The following PCM1 variants were observed in gnomAD, a reference collection of about 807,000 sequenced individuals.
PCM1 encodes the protein pericentriolar material 1 protein.
A neutral mutation model predicts 241.9 loss-of-function variants in PCM1; 157 were observed. The ratio of observed to expected loss-of-function variants is 0.65; its 90% CI spans 0.57 to 0.74. PCM1 has a LOEUF of 0.74. Ranked by LOEUF, PCM1 falls within the 30% of genes least tolerant of loss-of-function variation. The pLI, the probability that PCM1 is intolerant of heterozygous loss-of-function variation, is 0.00. For synonymous variants in PCM1, 1,085 were observed against 784.9 expected (o/e 1.38, Z -6.39); for missense variants, 3,478 against 2,360.1 (o/e 1.47, Z -9.81).
At chr8:17,982,240 AT>A (rs1236478203) in intron 24 of PCM1, among the ~76,000 whole-genome samples, 12 of 152,280 alleles carry the variant, frequency 7.9e-5, no homozygotes, top group African/African-American at 2.9e-4. Flanking sequence ...AAATTTTATA[AT>A]TTTCATCTCC....
In PCM1 at chr8:17,955,581, A is replaced by C; in HGVS notation, c.1400A>C (p.Tyr467Ser). The change falls in exon 10 of 39, where the codon TAT becomes TCT. Residue 467 changes from tyrosine to serine, a missense_variant. Transcript: ENST00000325083. ...AATAGCCTCACATCATCTGTTCCTT[A>C]TCCTACTGCTTCTCTAGTATCTCAG... ...ESNSLTSSVP[Y>S]PTASLVSQNE... 1.9e-6 allele frequency: 3 copies of C among 1,613,770 alleles called. No individual in the cohort carries two copies. The highest frequency in any genetic ancestry group is 2.5e-6 in the Non-Finnish European group (3 of 1,179,700).
Position 17,957,399 on chromosome 8 carries a change from T to C in PCM1, c.1782T>C (p.Ala594=), listed in dbSNP as rs756099433. The change falls in exon 12 of 39, where the codon GCT becomes GCC. Residue 594 remains alanine (A), a synonymous_variant. Transcript: ENST00000325083. ...INNRSAANIR[A]LNMPPSLDCR... ...ACAGATCTGCTGCCAACATAAGGGC[T>C]CTAAACATGCCTCCTTCTTTAGGTA... is the stretch of plus-strand genomic sequence containing the variant. 3.7e-6 allele frequency: 6 copies of C among 1,612,606 alleles called. No homozygotes were observed. The South Asian group carries it at 5.5e-5, about 15-fold the overall frequency.
intron 2 of PCM1, among the ~76,000 whole-genome samples, chr8:17,930,965 G>T (rs2058831120): frequency 6.6e-6 from 1 of 151,934 alleles, no homozygotes; most frequent in African/African-American, 2.4e-5. Flanking sequence ...TACTAATGCT[G>T]TGCCTTTTAA....
chr8:17,954,973 A>G (rs938402955), intron 9 of PCM1, among the ~76,000 whole-genome samples: 2 of 152,048 alleles, frequency 1.3e-5, no homozygotes, highest in African/African-American at 2.4e-5. Context: ...TCCAGATGTG[A>G]CATCCCCCTG....
At chr8:17,929,634 T>C (rs2058328507) in intron 2 of PCM1, among the ~76,000 whole-genome samples, 1 of 152,170 alleles carries the variant, frequency 6.6e-6, no homozygotes, top group South Asian at 2.1e-4. Flanking sequence ...TCCTTTATCT[T>C]TTAACTCTAC....
At chr8:17,989,409 A>G (rs749722140) in intron 26 of PCM1, among the ~76,000 whole-genome samples, 13 of 152,036 alleles carry the variant, frequency 8.6e-5, no homozygotes, top group Non-Finnish European at 1.6e-4. Flanking sequence ...AAGTGAGTGC[A>G]TTGTATATTA....
chr8:17,979,613 C>T (rs2080001682), intron 23 of PCM1, among the ~76,000 whole-genome samples: 1 of 151,926 alleles, frequency 6.6e-6, no homozygotes, highest in Non-Finnish European at 1.5e-5. Context: ...CTATAAAAAG[C>T]TATAAAGTAT....
At chr8:17,986,977 A>G (rs931427432) in intron 26 of PCM1, among the ~76,000 whole-genome samples, 26 of 151,810 alleles carry the variant, frequency 1.7e-4, no homozygotes, top group Admixed American at 6.6e-5. Context: ...CTTTTCAGAT[A>G]CAGTAATTTC....
At chr8:17,930,350 G>C (rs1051706795) in intron 2 of PCM1, among the ~76,000 whole-genome samples, 22 of 151,628 alleles carry the variant, frequency 1.5e-4, no homozygotes, top group Non-Finnish European at 2.9e-4. Flanking sequence ...TGATCCGCCT[G>C]CCTTGGCCTC....
chr8:18,021,638 T>C (rs2093762918), intron 36 of PCM1, among the ~76,000 whole-genome samples: 1 of 152,210 alleles, frequency 6.6e-6, no homozygotes, highest in Non-Finnish European at 1.5e-5. Flanking sequence ...TCAAACTCGG[T>C]GGCACTACCA....
At chr8:17,954,598 C>T (rs1009732619) in intron 9 of PCM1, among the ~76,000 whole-genome samples, 4 of 152,056 alleles carry the variant, frequency 2.6e-5, no homozygotes, top group Non-Finnish European at 4.4e-5. Flanking sequence ...AAGGTAGACT[C>T]GTCAAGGAAT....
intron 1 of PCM1, among the ~76,000 whole-genome samples, chr8:17,923,464 C>T (rs972243456): frequency 5.3e-5 from 8 of 152,198 alleles, no homozygotes; most frequent in Admixed American, 3.9e-4. Flanking sequence ...CTCCTGCTGG[C>T]CCTGTCGGGG....
chr8:17,955,533 C>T lies in PCM1; in HGVS notation c.1352C>T (p.Ala451Val). 2 of 1,613,660 alleles carry T rather than the reference C, an allele frequency of 1.2e-6. No homozygotes were observed. The highest frequency in any genetic ancestry group is 8.5e-7 in the Non-Finnish European group (1 of 1,179,678). Reference sequence around the variant, plus strand: ...GCTCCCTCTGCTTCTGTAGGCTTGGCACCGGTTGTCAATGGAGAATCCAAT... The same window carrying T: ...GCTCCCTCTGCTTCTGTAGGCTTGGTACCGGTTGTCAATGGAGAATCCAAT... ...TSAPSASVGLAPVVNGESNSL... is the reference protein window; with the variant it reads ...TSAPSASVGLVPVVNGESNSL... Residue 451 changes from alanine to valine, a missense_variant, in exon 10 of 39, where the codon GCA (alanine) becomes GTA (valine). Transcript: ENST00000325083.
chr8:18,014,106 AAAAAACACACACAG>A, intron 35 of PCM1, 70 bp downstream of exon 35: 1 of 841,382 alleles, frequency 1.2e-6, no homozygotes, highest in Non-Finnish European at 1.9e-6. Flanking sequence ...AAAAAAAAAA[AAAAAACACACACAG>A]AAAACACTAA....
At chr8:17,931,579 A>G (rs1218981545) in intron 2 of PCM1, among the ~76,000 whole-genome samples, 3 of 152,166 alleles carry the variant, frequency 2.0e-5, no homozygotes, top group African/African-American at 4.8e-5. Flanking sequence ...TTACTTTACT[A>G]TTACTTCATT....
intron 6 of PCM1, among the ~76,000 whole-genome samples, chr8:17,941,174 C>A (rs1219149637): frequency 6.6e-6 from 1 of 152,084 alleles, no homozygotes; most frequent in Non-Finnish European, 1.5e-5. Flanking sequence ...TTTCTATTTA[C>A]AGTGGTGCGA....
At position 17,966,104 on chromosome 8, in the gene PCM1, G is replaced by A; in HGVS notation, c.2961G>A (p.Val987=). 6.2e-7 allele frequency: 1 copy of A among 1,613,826 alleles called. No individual in the cohort carries two copies. The highest frequency in any genetic ancestry group is 1.7e-5 in the Admixed American group (1 of 60,014). The change falls in exon 19 of 39, where the codon GTG becomes GTA. Residue 987 remains valine, a synonymous_variant. Coordinates refer to ENST00000325083, the MANE Select transcript of PCM1 (RefSeq NM_006197.4). The part of the protein sequence containing the change: ...SMQRQENLRW[V]SELSYVEEKE... ...AACGGCAAGAAAACCTTCGTTGGGT[G>A]TCAGAGCTCTCTTACGTAGAAGAGA...
chr8:17,967,247 G>A (rs1366851229), intron 21 of PCM1, 77 bp downstream of exon 21: 13 of 977,646 alleles, frequency 1.3e-5, no homozygotes, highest in Non-Finnish European at 1.8e-5. Context: ...TTGCCTAGAT[G>A]TTTTAACATT....
At chr8:17,969,461 A>G in intron 21 of PCM1, 116 bp from the exon 22 acceptor site, 1 of 735,500 alleles carries the variant, frequency 1.4e-6, no homozygotes, top group Non-Finnish European at 2.2e-6. Flanking sequence ...TTTAATTAAC[A>G]GTTTTTTGTT....
Sources: allele counts gnomAD v4.1 joint callset (sites outside exome capture counted in the v4.1 genomes callset), GRCh38; gene constraint gnomAD v4.1.1; transcripts MANE v1.5; gene names NCBI Gene and HGNC (gene_info 2026-07-23, HGNC 2026-07-21).